Variants in TNFAIP8 observed in about 807,000 individuals in gnomAD.
The protein encoded by TNFAIP8 is TNF alpha induced protein 8, also known as tumor necrosis factor alpha-induced protein 8.
In TNFAIP8, 7 loss-of-function variants were observed where a neutral mutation model predicts 13.3. That is an observed-to-expected ratio of 0.52 (90% CI 0.30 to 0.99). The LOEUF is 0.99. TNFAIP8 is among the 50% of genes least tolerant of loss of function. The probability of loss-of-function intolerance (pLI) is 0.07; values close to 1 mark genes in which losing one functional copy is unlikely to be tolerated. For synonymous variants in TNFAIP8, 94 were observed against 87.6 expected (o/e 1.07, Z -0.41); for missense variants, 258 against 236.9 (o/e 1.09, Z -0.58).
At chr5:119,298,297 G>T (rs1440750607) in intron 1 of TNFAIP8, among the ~76,000 whole-genome samples, 6 of 151,896 alleles carry the variant, frequency 4.0e-5, no homozygotes, top group Admixed American at 2.6e-4. Flanking sequence ...TTTAGGGCAG[G>T]CCTGGTGGTG....
intron 1 of TNFAIP8, among the ~76,000 whole-genome samples, chr5:119,280,798 G>T (rs1423807977): frequency 6.6e-6 from 1 of 152,120 alleles, no homozygotes; most frequent in Non-Finnish European, 1.5e-5. Context: ...TGATTGCCCA[G>T]TGGTACAATT....
At chr5:119,317,524 G>A (rs1239969887) in intron 1 of TNFAIP8, among the ~76,000 whole-genome samples, 1 of 150,248 alleles carries the variant, frequency 6.7e-6, no homozygotes, top group Non-Finnish European at 1.5e-5. Flanking sequence ...AGATATTCAG[G>A]ATGCTTTCAT....
intron 1 of TNFAIP8, among the ~76,000 whole-genome samples, chr5:119,295,402 CTTGT>C (rs1229287763): frequency 6.6e-6 from 1 of 151,890 alleles, no homozygotes; most frequent in East Asian, 1.9e-4. Flanking sequence ...TTCCCCATTG[CTTGT>C]TTATCTCAGG....
chr5:119,374,983 A>G (rs528503103), intron 1 of TNFAIP8, among the ~76,000 whole-genome samples: 3 of 152,332 alleles, frequency 2.0e-5, no homozygotes, highest in African/African-American at 7.2e-5. Context: ...CAACATTGTG[A>G]ATATAGTAAA....
At chr5:119,323,208 G>T (rs535626587) in intron 1 of TNFAIP8, among the ~76,000 whole-genome samples, 1 of 152,256 alleles carries the variant, frequency 6.6e-6, no homozygotes, top group South Asian at 2.1e-4. Context: ...TGCTGCTATT[G>T]GCCTCATAAA....
intron 1 of TNFAIP8, among the ~76,000 whole-genome samples, chr5:119,331,290 ATACT>A (rs913978118): frequency 5.3e-5 from 8 of 151,772 alleles, no homozygotes; most frequent in Non-Finnish European, 7.4e-5. Flanking sequence ...TGCTTCACAA[ATACT>A]TACTTGAGAA....
At chr5:119,321,406 T>C (rs1750051939) in intron 1 of TNFAIP8, among the ~76,000 whole-genome samples, 1 of 149,720 alleles carries the variant, frequency 6.7e-6, no homozygotes, top group South Asian at 2.1e-4. Flanking sequence ...ATAAATACAA[T>C]ACTAATAACT....
intron 1 of TNFAIP8, among the ~76,000 whole-genome samples, chr5:119,340,505 T>G (rs1197518932): frequency 6.6e-6 from 1 of 152,218 alleles, no homozygotes; most frequent in African/African-American, 2.4e-5. Context: ...TAGTTCCTCT[T>G]AAGATACTCA....
Position 119,393,187 on chromosome 5 carries a change from T to G in TNFAIP8, c.403T>G (p.Cys135Gly). ...RNVLSRLLNECREMLHQIIQR... is the reference protein window; with the variant it reads ...RNVLSRLLNEGREMLHQIIQR... ...TGTGTTATCCAGGCTGTTAAATGAA[T>G]GCAGAGAGATGCTGCACCAAATCAT... The change falls in exon 2 of 2, where the codon TGC (cysteine) becomes GGC (glycine). Residue 135 changes from cysteine (C) to glycine (G), a missense_variant. Transcript: ENST00000504771. 3.1e-6 allele frequency: 5 copies of G among 1,614,060 alleles called. No individual in the cohort carries two copies. Among genetic ancestry groups the G allele is most frequent in the Non-Finnish European group, 4.2e-6 (5 of 1,179,896 alleles).
intron 1 of TNFAIP8, among the ~76,000 whole-genome samples, chr5:119,311,477 G>A (rs1344038582): frequency 6.6e-6 from 1 of 151,932 alleles, no homozygotes; most frequent in Non-Finnish European, 1.5e-5. Context: ...GGATCACAAG[G>A]TCAGGAGATT....
chr5:119,359,582 G>T (rs140176654), intron 1 of TNFAIP8, among the ~76,000 whole-genome samples: 85 of 151,804 alleles, frequency 5.6e-4, no homozygotes, highest in Admixed American at 2.7e-3. Flanking sequence ...TAGTTGTTCC[G>T]TAGTGGTGAT....
chr5:119,355,435 C>A (rs1043555025), upstream of TNFAIP8: 5 of 696,224 alleles, frequency 7.2e-6, no homozygotes, highest in Admixed American at 2.0e-5. Flanking sequence ...AGGCCCCGCT[C>A]TGGGACTTGT....
intron 1 of TNFAIP8, among the ~76,000 whole-genome samples, chr5:119,368,692 G>A (rs1751963405): frequency 6.6e-6 from 1 of 152,158 alleles, no homozygotes; most frequent in Non-Finnish European, 1.5e-5. Context: ...AGTGTTTTTA[G>A]TTTGGGGTAA....
chr5:119,341,518 CTG>C (rs1210351465), intron 1 of TNFAIP8, among the ~76,000 whole-genome samples: 1 of 152,206 alleles, frequency 6.6e-6, no homozygotes, highest in Non-Finnish European at 1.5e-5. Context: ...ACTATCACTG[CTG>C]TGTTTGCTCA....
Position 119,393,326 on chromosome 5 carries a change from A to G in TNFAIP8, c.542A>G (p.His181Arg). 6.2e-7 allele frequency: 1 copy of G among 1,614,016 alleles called. No individual in the cohort carries two copies. The highest frequency in any genetic ancestry group is 1.1e-5 in the South Asian group (1 of 91,080). The change falls in exon 2 of 2, where the codon CAC becomes CGC. Residue 181 changes from histidine to arginine, a missense_variant. Coordinates refer to ENST00000504771, the MANE Select transcript of TNFAIP8 (RefSeq NM_014350.4). ...LYNPFGNFKP[H>R]LQKLCDGINK... ...AATCCTTTTGGGAATTTTAAACCCC[A>G]CTTACAAAAACTATGTGATGGTATC...
intron 1 of TNFAIP8, among the ~76,000 whole-genome samples, chr5:119,384,431 C>A (rs780815751): frequency 1.1e-4 from 17 of 151,858 alleles, no homozygotes; most frequent in Admixed American, 7.2e-4. Context: ...TGCATTGAGC[C>A]GAGATTGTGC....
intron 1 of TNFAIP8, chr5:119,333,361 A>G: frequency 1.5e-6 from 2 of 1,306,896 alleles, no homozygotes; most frequent in Admixed American, 7.3e-5. Flanking sequence ...AGCTCCCAGA[A>G]TAACAAGCAA....
intron 1 of TNFAIP8, among the ~76,000 whole-genome samples, chr5:119,337,717 C>T (rs760738171): frequency 1.1e-3 from 166 of 152,348 alleles, no homozygotes; most frequent in African/African-American, 3.1e-3. Context: ...AAGCATTTCT[C>T]CAGTTCCTGT....
At chr5:119,281,905 A>T (rs900713179) in intron 1 of TNFAIP8, among the ~76,000 whole-genome samples, 5 of 152,204 alleles carry the variant, frequency 3.3e-5, no homozygotes, top group Admixed American at 3.3e-4. Context: ...ATTAAGGGTC[A>T]CTGTTGTCTG....
Sources: allele counts gnomAD v4.1 joint callset (sites outside exome capture counted in the v4.1 genomes callset), GRCh38; gene constraint gnomAD v4.1.1; transcripts MANE v1.5; gene names NCBI Gene and HGNC (gene_info 2026-07-23, HGNC 2026-07-21).